The following DLC1 variants were observed in gnomAD, a reference collection of about 807,000 sequenced individuals.
DLC1 encodes the protein DLC1 Rho GTPase activating protein.
Under a neutral mutation model 140.3 loss-of-function variants are expected in DLC1, and 54 were observed. That is an observed-to-expected ratio of 0.38 (90% confidence interval 0.31 to 0.48). DLC1 has a LOEUF of 0.48. DLC1 is among the 20% of genes least tolerant of loss of function. The pLI, the probability that DLC1 is intolerant of heterozygous loss-of-function variation, is 0.96. For synonymous variants in DLC1, 986 were observed against 728.1 expected (o/e 1.35, Z -5.70); for missense variants, 2,536 against 1,907.0 (o/e 1.33, Z -6.14).
At chr8:13,260,652 A>G (rs1028285331) in intron 5 of DLC1, among the ~76,000 whole-genome samples, 1 of 152,184 alleles carries the variant, frequency 6.6e-6, no homozygotes, top group Admixed American at 6.5e-5. Context: ...AGGAAGAAAT[A>G]TCCAACTGAT....
At chr8:13,276,673 C>T (rs1831186660) in intron 5 of DLC1, 7 of 1,042,726 alleles carry the variant, frequency 6.7e-6, no homozygotes, top group African/African-American at 1.7e-5. Context: ...CGTCTCGCTT[C>T]CTGTGCAACC....
At chr8:13,441,923 C>G (rs959368706) in intron 2 of DLC1, among the ~76,000 whole-genome samples, 1 of 152,186 alleles carries the variant, frequency 6.6e-6, no homozygotes, top group Non-Finnish European at 1.5e-5. Context: ...AAGAACAAAG[C>G]TGGAGGCATC....
chr8:13,152,182 GC>G, intron 5 of DLC1, among the ~76,000 whole-genome samples: 1 of 152,318 alleles, frequency 6.6e-6, no homozygotes, highest in South Asian at 2.1e-4. Context: ...AAAGTCCAGA[GC>G]CTTCAAAAAG....
intron 5 of DLC1, among the ~76,000 whole-genome samples, chr8:13,160,626 CA>C (rs1824618242): frequency 6.6e-6 from 1 of 152,204 alleles, no homozygotes; most frequent in Admixed American, 6.5e-5. Context: ...GTTAAACCAC[CA>C]GAATGATTTG....
At chr8:13,324,952 A>T (rs1331326255) in intron 4 of DLC1, among the ~76,000 whole-genome samples, 1 of 152,216 alleles carries the variant, frequency 6.6e-6, no homozygotes, top group Admixed American at 6.5e-5. Context: ...TGTATCATAA[A>T]ATAATCCAAA....
chr8:13,101,163 G>A (rs900028625), intron 8 of DLC1, among the ~76,000 whole-genome samples: 3 of 152,132 alleles, frequency 2.0e-5, no homozygotes, highest in African/African-American at 7.2e-5. Flanking sequence ...CTCCCACGTG[G>A]GCTTCCCAAA....
intron 4 of DLC1, among the ~76,000 whole-genome samples, chr8:13,390,529 C>T (rs959694703): frequency 4.6e-5 from 7 of 152,134 alleles, no homozygotes; most frequent in African/African-American, 1.7e-4. Context: ...ATTTCTGATT[C>T]TAGGTCCTTG....
intron 3 of DLC1, among the ~76,000 whole-genome samples, chr8:13,398,592 AC>A: frequency 9.3e-6 from 1 of 107,034 alleles, no homozygotes; most frequent in East Asian, 3.0e-4. Flanking sequence ...ACATAGAGAA[AC>A]CCCATCTCTA....
chr8:13,303,973 C>G (rs1832313379), intron 5 of DLC1, among the ~76,000 whole-genome samples: 1 of 152,158 alleles, frequency 6.6e-6, no homozygotes, highest in Admixed American at 6.5e-5. Flanking sequence ...CCCCTCCTGA[C>G]CAGCCAACAA....
chr8:13,467,641 G>A (rs1216942792), intron 2 of DLC1, among the ~76,000 whole-genome samples: 1 of 152,072 alleles, frequency 6.6e-6, no homozygotes, highest in African/African-American at 2.4e-5. Context: ...TGAGGTGAGA[G>A]GATTGCTTGA....
chr8:13,295,259 G>T (rs1831901985), intron 5 of DLC1, among the ~76,000 whole-genome samples: 2 of 152,310 alleles, frequency 1.3e-5, no homozygotes, highest in South Asian at 4.1e-4. Context: ...ATTAGCAGGT[G>T]TGAGTCACAG....
rs774705752 is a variant in DLC1 at position 13,401,575 on chromosome 8, C to T, written c.1068G>A (p.Val356=). 5 of 1,613,832 alleles carry T rather than the reference C, an allele frequency of 3.1e-6. No individual in the cohort carries two copies. Among genetic ancestry groups the T allele is most frequent in the Non-Finnish European group, 4.2e-6 (5 of 1,179,988 alleles). Residue 356 remains valine (V), a synonymous_variant, in exon 3 of 18, where the codon GTG becomes GTA. Transcript: ENST00000276297. The part of the protein sequence containing the change: ...DRDRARLDSM[V]LLIMKLDQLD... The stretch of plus-strand genomic sequence containing the variant: ...GCTGGTCCAGTTTCATAATCAGCAG[C>T]ACCATGGAGTCCAGCCGCGCCCTAT...
intron 4 of DLC1, chr8:13,353,504 T>C (rs1270829107): frequency 6.6e-6 from 1 of 152,006 alleles, no homozygotes; most frequent in Non-Finnish European, 1.5e-5. Flanking sequence ...GTGAATGTTA[T>C]AATCAAAGAA....
intron 1 of DLC1, among the ~76,000 whole-genome samples, chr8:13,587,906 A>G (rs1006128245): frequency 2.6e-5 from 4 of 152,018 alleles, no homozygotes; most frequent in African/African-American, 7.2e-5. Context: ...TGGCAGTATG[A>G]TTTTACAGCA....
intron 5 of DLC1, among the ~76,000 whole-genome samples, chr8:13,149,701 A>G (rs1258764355): frequency 6.6e-6 from 1 of 152,222 alleles, no homozygotes; most frequent in Non-Finnish European, 1.5e-5. Flanking sequence ...GAACCTGTGT[A>G]CTTGGCCAGC....
chr8:13,582,716 G>C (rs1175915715), intron 1 of DLC1, among the ~76,000 whole-genome samples: 2 of 150,786 alleles, frequency 1.3e-5, no homozygotes, highest in Non-Finnish European at 3.0e-5. Context: ...CATTCATTCT[G>C]TCCCTCTAGA....
rs139934514 is a variant in DLC1 at position 13,298,800 on chromosome 8, C to G, written c.1348+6469G>C. ...TTGAGTGACGGGGAAAGCTGGACCCCAAACATCTGCATCAAGCAATATACC... is the reference window on the plus strand; with the variant it reads ...TTGAGTGACGGGGAAAGCTGGACCCGAAACATCTGCATCAAGCAATATACC... On this transcript the variant is annotated intron_variant, in intron 5 of 17. Transcript: ENST00000276297. 1.9e-3 allele frequency among the ~76,000 whole-genome samples: 282 copies of G among 152,222 alleles called. 9 individuals are homozygous for G. In the East Asian group the frequency reaches 0.049, roughly 26 times the overall value.
chr8:13,539,185 G>GTA (rs35531208), intron 1 of DLC1, among the ~76,000 whole-genome samples: 8,466 of 151,456 alleles, frequency 0.056, 273 homozygotes, highest in Non-Finnish European at 0.074. Flanking sequence ...GTATGTATGT[G>GTA]TGTATGTATG....
intron 5 of DLC1, among the ~76,000 whole-genome samples, chr8:13,296,693 CAA>C (rs1831971919): frequency 6.6e-6 from 1 of 151,794 alleles, no homozygotes; most frequent in South Asian, 2.1e-4. Context: ...TGCGGGGTGA[CAA>C]AAAACGAAAT....
Sources: gnomAD v4.1 joint callset for allele counts (sites outside exome capture counted in the v4.1 genomes callset) on GRCh38, gnomAD v4.1.1 for gene constraint, MANE v1.5 for transcripts, NCBI Gene and HGNC (gene_info 2026-07-23, HGNC 2026-07-21) for gene names.